The following CYP1A2 variants were observed in gnomAD, a reference collection of about 807,000 sequenced individuals.
The protein encoded by CYP1A2 is cytochrome P450 1A2.
CYP1A2 carries 35 observed loss-of-function variants against 34.7 expected under a neutral mutation model. The observed-to-expected ratio is 1.01, with a 90% confidence interval of 0.77 to 1.34. The LOEUF is 1.34. Among genes scored for constraint, CYP1A2 ranks in the 40% most tolerant of loss-of-function variants. The pLI, the probability that CYP1A2 is intolerant of heterozygous loss-of-function variation, is 0.00. For synonymous variants in CYP1A2, 288 were observed against 281.9 expected, an observed-to-expected ratio of 1.02 and a Z score of -0.22; for missense variants, 675 against 675.8, an observed-to-expected ratio of 1.00 and a Z score of 0.01.
chr15:74,749,395 G>A (rs1238516655), intron 1 of CYP1A2, among the ~76,000 whole-genome samples: 2 of 152,188 alleles, frequency 1.3e-5, no homozygotes, highest in Non-Finnish European at 2.9e-5. Context: ...CTGTGCCAGG[G>A]GCTGACAAGG....
rs780975619 is a variant in CYP1A2 at position 74,754,955 on chromosome 15, C to A, written c.1418C>A (p.Ala473Asp). The change falls in exon 7 of 7, where the codon GCC (alanine) becomes GAC (aspartate). Residue 473 changes from alanine to aspartate, a missense_variant. Coordinates refer to ENST00000343932, the MANE Select transcript of CYP1A2 (RefSeq NM_000761.5). ...LAKWEIFLFL[A>D]ILLQQLEFSV... ...AAGTGGGAGATCTTCCTCTTCCTGG[C>A]CATCCTGCTACAGCAACTGGAGTTC... 31 of 1,614,132 alleles carry A rather than the reference C, an allele frequency of 1.9e-5. No homozygotes were observed. The Admixed American group carries it at 2.3e-4, about 12-fold the overall frequency.
chr15:74,750,042 G>T lies in CYP1A2; in HGVS notation c.304G>T (p.Gly102Cys). 6.2e-7 allele frequency: 1 copy of T among 1,613,990 alleles called. No individual in the cohort carries two copies. The highest frequency in any genetic ancestry group is 8.5e-7 in the Non-Finnish European group (1 of 1,180,014). Residue 102 changes from glycine to cysteine, a missense_variant, in exon 2 of 7, where the codon GGC (glycine) becomes TGC (cysteine). Physicochemically the swap from Gly to Cys is radical, Grantham distance 159 (BLOSUM62 -3). Coordinates refer to ENST00000343932, the MANE Select transcript of CYP1A2 (RefSeq NM_000761.5). ...CATCCGGCAGGCCCTGGTGCGGCAG[G>T]GCGACGATTTCAAGGGCCGGCCTGA... ...DTIRQALVRQ[G>C]DDFKGRPDLY...
In CYP1A2 at chr15:74,750,484, C is replaced by T. The variant is rs575035489; in HGVS notation, c.746C>T (p.Ala249Val). 2.0e-5 allele frequency: 33 copies of T among 1,614,090 alleles called. No individual in the cohort carries two copies. Among genetic ancestry groups the T allele is most frequent in the Middle Eastern group, 1.6e-4 (1 of 6,084 alleles). The change falls in exon 2 of 7, where the codon GCC becomes GTC. Residue 249 changes from alanine (A) to valine (V), a missense_variant. Transcript: ENST00000343932. Reference protein sequence around the residue: ...FPILRYLPNPALQRFKAFNQR... With the variant: ...FPILRYLPNPVLQRFKAFNQR... The stretch of plus-strand genomic sequence containing the variant: ...ATCCTTCGCTACCTGCCTAACCCTG[C>T]CCTGCAGAGGTTCAAGGCCTTCAAC...
intron 5 of CYP1A2, 62 bp downstream of exon 5, chr15:74,752,309 C>T (rs2063319996): frequency 6.3e-7 from 1 of 1,597,250 alleles, no homozygotes; most frequent in Non-Finnish European, 8.5e-7. Context: ...CTCTTCCTGG[C>T]TTCTCAGCCC....
At position 74,755,059 on chromosome 15, in the gene CYP1A2, C is replaced by T. The variant is rs200075745; in HGVS notation, c.1522C>T (p.Gln508Ter). ...GAAGCACGCCCGCTGTGAACATGTC[C>T]AGGCGCGGCTGCGCTTCTCCATCAA... Reference protein sequence around the residue: ...TMKHARCEHVQARLRFSIN With the variant: ...TMKHARCEHV The change falls in exon 7 of 7, where the codon CAG (glutamine) becomes TAG (stop). Residue 508 changes from glutamine to a stop codon, truncating the protein, a stop_gained. Coordinates refer to ENST00000343932, the MANE Select transcript of CYP1A2 (RefSeq NM_000761.5). LOFTEE classifies it high-confidence loss of function. 2.3e-5 allele frequency: 37 copies of T among 1,611,458 alleles called. No individual in the cohort carries two copies. The South Asian group carries it at 3.8e-4, about 17-fold the overall frequency.
Position 74,755,358 on chromosome 15 carries a change from A to C in CYP1A2, c.*270A>C, listed in dbSNP as rs58661304. On this transcript the variant is annotated 3_prime_UTR_variant, in exon 7 of 7. Coordinates refer to ENST00000343932, the MANE Select transcript of CYP1A2 (RefSeq NM_000761.5). ...AGAGCAAGACCCCATCTCAAAAAAAAAAACAAACAAACAAAAAAAAAACCA... is the reference window on the plus strand; with the variant it reads ...AGAGCAAGACCCCATCTCAAAAAAACAAACAAACAAACAAAAAAAAAACCA... 16,133 of 299,602 alleles carry C rather than the reference A, an allele frequency of 0.054. 1,021 individuals are homozygous for C. The highest frequency in any genetic ancestry group is 0.17 in the African/African-American group (7,331 of 43,806). 18.6% of individuals were successfully genotyped at this position (299,602 alleles called of 1,614,324 possible).
chr15:74,754,992 G>T lies in CYP1A2; in HGVS notation c.1455G>T (p.Pro485=). ...AGCAACTGGAGTTCAGCGTGCCGCC[G>T]GGCGTGAAAGTCGACCTGACCCCCA... ...LLQQLEFSVP[P]GVKVDLTPIY... is the part of the protein sequence containing the mutation. Residue 485 remains proline (P), a synonymous_variant, in exon 7 of 7, where the codon CCG becomes CCT. Transcript: ENST00000343932. The T allele has an allele frequency of 1.2e-6, 2 of 1,614,238 alleles. No individual in the cohort carries two copies. Among genetic ancestry groups the T allele is most frequent in the Non-Finnish European group, 1.7e-6 (2 of 1,180,042 alleles).
chr15:74,752,866 G>A (rs55711332), intron 5 of CYP1A2, among the ~76,000 whole-genome samples: 1 of 115,294 alleles, frequency 8.7e-6, no homozygotes, highest in Non-Finnish European at 1.8e-5. Context: ...CAGGCTGCCT[G>A]CTGCTTTTTT....
intron 2 of CYP1A2, 82 bp downstream of exon 2, chr15:74,750,651 C>T: frequency 4.9e-6 from 6 of 1,232,434 alleles, no homozygotes; most frequent in Non-Finnish European, 5.8e-6. Flanking sequence ...CATGCCCACA[C>T]AGCTGCTGTG....
At chr15:74,751,135 T>A in intron 2 of CYP1A2, 54 bp from the exon 3 acceptor site, 1 of 1,605,078 alleles carries the variant, frequency 6.2e-7, no homozygotes, top group Non-Finnish European at 8.5e-7. Context: ...GGAGCAACGT[T>A]CAGCCTTTGA....
In CYP1A2 at chr15:74,755,588, C is replaced by T. The variant is rs2063335113; in HGVS notation, c.*500C>T. On this transcript the variant is annotated 3_prime_UTR_variant, in exon 7 of 7. Coordinates refer to ENST00000343932, the MANE Select transcript of CYP1A2 (RefSeq NM_000761.5). ...TCAGCCTCCCAAGCACCTGGGATTACAAGCATGAGTCACTACGCCTGGCTG... is the reference window on the plus strand; with the variant it reads ...TCAGCCTCCCAAGCACCTGGGATTATAAGCATGAGTCACTACGCCTGGCTG... 6.6e-6 allele frequency: 1 copy of T among 152,080 alleles called. No individual in the cohort carries two copies. Among genetic ancestry groups the T allele is most frequent in the Admixed American group, 6.5e-5 (1 of 15,272 alleles). 9.4% of individuals were successfully genotyped at this position (152,080 alleles called of 1,614,324 possible).
At position 74,749,791 on chromosome 15, in the gene CYP1A2, CTG is replaced by C. The variant is rs746300395; in HGVS notation, c.54_55del (p.Ala19HisfsTer91). The C allele has an allele frequency of 8.9e-6, 14 of 1,574,902 alleles. No homozygotes were observed. Among genetic ancestry groups the C allele is most frequent in the Non-Finnish European group, 1.2e-5 (14 of 1,157,334 alleles). Reference sequence around the variant, plus strand: ...TCGGCCACAGAGCTTCTCCTGGCCTCTGCCATCTTCTGCCTGGTATTCTGGGT... The same window carrying C: ...TCGGCCACAGAGCTTCTCCTGGCCTCCCATCTTCTGCCTGGTATTCTGGGT... On this transcript the variant is annotated frameshift_variant, in exon 2 of 7. Transcript: ENST00000343932. LOFTEE classifies it high-confidence loss of function.
In CYP1A2 at chr15:74,755,370, CAAAA is replaced by C. The variant is rs1041862747; in HGVS notation, c.*289_*292del. The C allele has an allele frequency of 1.9e-5, 4 of 215,756 alleles. No homozygotes were observed. Among genetic ancestry groups the C allele is most frequent in the Non-Finnish European group, 2.4e-5 (3 of 126,900 alleles). 13.4% of individuals were successfully genotyped at this position (215,756 alleles called of 1,614,324 possible). Reference sequence around the variant, plus strand: ...CATCTCAAAAAAAAAAACAAACAAACAAAAAAAAAACCATATATATACATATATA... The same window carrying C: ...CATCTCAAAAAAAAAAACAAACAAACAAAAAACCATATATATACATATATA... On this transcript the variant is annotated 3_prime_UTR_variant, in exon 7 of 7. Transcript: ENST00000343932.
intron 1 of CYP1A2, among the ~76,000 whole-genome samples, chr15:74,749,218 G>C (rs977673216): frequency 6.6e-6 from 1 of 152,188 alleles, no homozygotes; most frequent in African/African-American, 2.4e-5. Flanking sequence ...TATTGATAAA[G>C]AATGCCCTGG....
At chr15:74,751,673 A>G (rs1487020965) in intron 3 of CYP1A2, 92 bp from the exon 4 acceptor site, 1 of 1,271,110 alleles carries the variant, frequency 7.9e-7, no homozygotes, top group African/African-American at 1.5e-5. Context: ...AGAGAAAGCT[A>G]ATGCTGGATA....
chr15:74,750,512 G>C lies in CYP1A2; in HGVS notation c.774G>C (p.Gln258His). ...PALQRFKAFN[Q>H]RFLWFLQKTV... ...TGCAGAGGTTCAAGGCCTTCAACCA[G>C]AGGTTCCTGTGGTTCCTGCAGAAAA... The change falls in exon 2 of 7, where the codon CAG becomes CAC. Residue 258 changes from glutamine to histidine, a missense_variant. Gln to His is a conservative substitution (Grantham distance 24, BLOSUM62 0). Coordinates refer to ENST00000343932, the MANE Select transcript of CYP1A2 (RefSeq NM_000761.5). 1 of 1,614,194 alleles carries C rather than the reference G, an allele frequency of 6.2e-7. No homozygotes were observed. The highest frequency in any genetic ancestry group is 8.5e-7 in the Non-Finnish European group (1 of 1,180,036).
In CYP1A2 at chr15:74,752,147, C is replaced by T. The variant is rs147333000; in HGVS notation, c.1066C>T (p.Arg356Trp). ...ELDTVIGRER[R>W]PRLSDRPQLP... ...AGACACTGTGATTGGCAGGGAGCGGCGGCCCCGGCTCTCTGACAGACCCCA... is the reference window on the plus strand; with the variant it reads ...AGACACTGTGATTGGCAGGGAGCGGTGGCCCCGGCTCTCTGACAGACCCCA... The change falls in exon 5 of 7, where the codon CGG becomes TGG. Residue 356 changes from arginine (R) to tryptophan (W), a missense_variant. Physicochemically the swap from Arg to Trp is moderately radical, Grantham distance 101. Coordinates refer to ENST00000343932, the MANE Select transcript of CYP1A2 (RefSeq NM_000761.5). 182 of 1,613,950 alleles carry T rather than the reference C, an allele frequency of 1.1e-4. No homozygotes were observed. The African/African-American group carries it at 2.1e-3, about 19-fold the overall frequency.
chr15:74,749,765 C>T lies in CYP1A2; in HGVS notation c.27C>T (p.Phe9=). ...TGGCATTGTCCCAGTCTGTTCCCTT[C>T]TCGGCCACAGAGCTTCTCCTGGCCT... MALSQSVP[F]SATELLLASA... The change falls in exon 2 of 7, where the codon TTC becomes TTT. Residue 9 remains phenylalanine (F), a synonymous_variant. Coordinates refer to ENST00000343932, the MANE Select transcript of CYP1A2 (RefSeq NM_000761.5). The T allele has an allele frequency of 6.5e-7, 1 of 1,546,710 alleles. No individual in the cohort carries two copies. The highest frequency in any genetic ancestry group is 8.7e-7 in the Non-Finnish European group (1 of 1,143,852).
chr15:74,751,327 G>T lies in CYP1A2; in HGVS notation c.952+18G>T, dbSNP rs189723059. ...TGGAGCAGGTAGGAACCAGAACCTT[G>T]CCCCTCCATCCAACAATGCCTGCTG... On this transcript the variant is annotated intron_variant, in intron 3 of 6. Transcript: ENST00000343932. The T allele has an allele frequency of 2.1e-5, 34 of 1,613,414 alleles. No individual in the cohort carries two copies. The Middle Eastern group carries it at 6.6e-4, about 31-fold the overall frequency.
Sources: gnomAD v4.1 joint callset for allele counts (sites outside exome capture counted in the v4.1 genomes callset) on GRCh38, gnomAD v4.1.1 for gene constraint, MANE v1.5 for transcripts, NCBI Gene and HGNC (gene_info 2026-07-23, HGNC 2026-07-21) for gene names.